Variants in RPL14 observed in about 807,000 individuals in gnomAD.
RPL14 encodes the protein ribosomal protein L14.
A neutral mutation model predicts 25.3 loss-of-function variants in RPL14; 4 were observed. That is an observed-to-expected ratio of 0.16 (90% confidence interval 0.08 to 0.36). RPL14 has a LOEUF of 0.36. Among genes scored for constraint, RPL14 ranks in the 10% least tolerant of loss-of-function variants. The pLI, the probability that RPL14 is intolerant of heterozygous loss-of-function variation, is 1.00. For synonymous variants in RPL14, 75 were observed against 89.8 expected (o/e 0.84, Z 0.93); for missense variants, 212 against 261.9 (o/e 0.81, Z 1.31).
rs1164468305 is a variant in RPL14 at position 40,464,653 on chromosome 3, T to C, written c.*2421T>C. ...ATTTAGATCATTGAACTGTTAAGAC[T>C]GAATCTTATGGGATCAAGACTGGGA... On this transcript the variant is annotated 3_prime_UTR_variant, in exon 6 of 6. Coordinates refer to ENST00000396203, the MANE Select transcript of RPL14 (RefSeq NM_001034996.3). The C allele has an allele frequency of 2.9e-5, 11 of 379,346 alleles. No individual in the cohort carries two copies. The Admixed American group carries it at 3.0e-4, about 10-fold the overall frequency. The allele number at this position is 379,346 out of a possible 1,614,324, so 23.5% of individuals were successfully genotyped here.
At position 40,465,974 on chromosome 3, in the gene RPL14, T is replaced by G. The variant is rs1196836708; in HGVS notation, c.*3742T>G. ...GGGAGGCTGAGGCAGGCGGATCACC[T>G]GAGGTCAGGGGTCCGAGACCAGCTT... On this transcript the variant is annotated 3_prime_UTR_variant, in exon 6 of 6. Transcript: ENST00000396203. The G allele has an allele frequency of 6.6e-6, 1 of 151,544 alleles. No homozygotes were observed. The highest frequency in any genetic ancestry group is 2.0e-4 in the East Asian group (1 of 5,092). The allele number at this position is 151,544 out of a possible 1,614,324, so 9.4% of individuals were successfully genotyped here.
At position 40,465,840 on chromosome 3, in the gene RPL14, G is replaced by A. The variant is rs1471048472; in HGVS notation, c.*3608G>A. 1 of 152,194 alleles carries A rather than the reference G, an allele frequency of 6.6e-6. No individual in the cohort carries two copies. The highest frequency in any genetic ancestry group is 1.5e-5 in the Non-Finnish European group (1 of 68,054). 9.4% of individuals were successfully genotyped at this position (152,194 alleles called of 1,614,324 possible). A position where few individuals can be genotyped will look rare whatever the true frequency, so the allele number is the denominator to read the frequency against. ...TTGGAATCTCTAGGAAAGTAACTGA[G>A]GCATACGATGCCTGAAAAGGAGTAG... On this transcript the variant is annotated 3_prime_UTR_variant, in exon 6 of 6. Transcript: ENST00000396203.
chr3:40,467,100 T>C lies in RPL14; in HGVS notation c.*4868T>C, dbSNP rs1697039111. The C allele has an allele frequency of 6.6e-6, 1 of 152,210 alleles. No homozygotes were observed. Among genetic ancestry groups the C allele is most frequent in the South Asian group, 2.1e-4 (1 of 4,834 alleles). 9.4% of individuals were successfully genotyped at this position (152,210 alleles called of 1,614,324 possible). ...GGAAAACATATACATCTTGCAGACA[T>C]TTTTTAATGTGTTTGTAATATAGGT... On this transcript the variant is annotated 3_prime_UTR_variant, in exon 6 of 6. Transcript: ENST00000396203.
Position 40,458,482 on chromosome 3 carries a change from A to G in RPL14, c.106-160A>G, listed in dbSNP as rs1010890722. ...TGTGTTGAGCAAAAGACATACATATATATAACCCAGATAGGACAATCCTTG... is the reference window on the plus strand; with the variant it reads ...TGTGTTGAGCAAAAGACATACATATGTATAACCCAGATAGGACAATCCTTG... On this transcript the variant is annotated intron_variant, in intron 2 of 5. Transcript: ENST00000396203. 17 of 617,490 alleles carry G rather than the reference A, an allele frequency of 2.8e-5. No individual in the cohort carries two copies. The African/African-American group carries it at 2.8e-4, about 10-fold the overall frequency. 38.3% of individuals were successfully genotyped at this position (617,490 alleles called of 1,614,324 possible).
At chr3:40,459,330 T>C (rs1190444927) in intron 3 of RPL14, among the ~76,000 whole-genome samples, 3 of 152,246 alleles carry the variant, frequency 2.0e-5, no homozygotes, top group Non-Finnish European at 4.4e-5. Context: ...CTAAGTCTTG[T>C]GTTTATTGCT....
At position 40,458,946 on chromosome 3, in the gene RPL14, T is replaced by G. The variant is rs894126520; in HGVS notation, c.200+210T>G. 4.5e-5 allele frequency: 22 copies of G among 491,166 alleles called. No homozygotes were observed. In the Admixed American group the frequency reaches 6.4e-4, roughly 14 times the overall value. 30.4% of individuals were successfully genotyped at this position (491,166 alleles called of 1,614,324 possible). A position where few individuals can be genotyped will look rare whatever the true frequency, so the allele number is the denominator to read the frequency against. On this transcript the variant is annotated intron_variant, in intron 3 of 5. Transcript: ENST00000396203. ...ATCCCAGTACTTTGGGAGGCCACGG[T>G]GGGAGGGTCTCTTGAGCCCAAGTTT...
intron 1 of RPL14, 60 bp downstream of exon 1, chr3:40,457,534 C>T (rs1172065666): frequency 1.5e-6 from 2 of 1,372,704 alleles, no homozygotes; most frequent in South Asian, 1.2e-5. Context: ...TCGCGCCCTT[C>T]CCGGACTCGC....
chr3:40,462,373 C>CTTTTTTTTTTTTTTTTTTTTT lies in RPL14; in HGVS notation c.*142_*162dup. On this transcript the variant is annotated 3_prime_UTR_variant, in exon 6 of 6. Transcript: ENST00000396203. Reference sequence around the variant, plus strand: ...ATAATAAACATTAAATAATCAGTTCCTTTTTTTTTTTTTTTTTTTTTGAGA... The same window carrying CTTTTTTTTTTTTTTTTTTTTT: ...ATAATAAACATTAAATAATCAGTTCCTTTTTTTTTTTTTTTTTTTTTTTTTTTTTTTTTTTTTTTTTTGAGA... 1 of 286,820 alleles carries CTTTTTTTTTTTTTTTTTTTTT rather than the reference C, an allele frequency of 3.5e-6. No homozygotes were observed. The highest frequency in any genetic ancestry group is 9.0e-5 in the East Asian group (1 of 11,114). 17.8% of individuals were successfully genotyped at this position (286,820 alleles called of 1,614,324 possible).
Position 40,457,396 on chromosome 3 carries a change from C to T in RPL14, c.-76C>T, listed in dbSNP as rs777342693. The T allele has an allele frequency of 3.8e-6, 6 of 1,599,974 alleles. No homozygotes were observed. The highest frequency in any genetic ancestry group is 3.3e-5 in the South Asian group (3 of 89,992). On this transcript the variant is annotated 5_prime_UTR_variant, in exon 1 of 6. Coordinates refer to ENST00000396203, the MANE Select transcript of RPL14 (RefSeq NM_001034996.3). The stretch of plus-strand genomic sequence containing the variant: ...TTACTGTTGCGGGCTCCGGGGCCGT[C>T]GACCATGCCGCTCGACCTCCACCTC...
At chr3:40,461,700 T>A (rs1696939129) in intron 5 of RPL14, 39 bp downstream of exon 5, 12 of 1,555,402 alleles carry the variant, frequency 7.7e-6, no homozygotes, top group Non-Finnish European at 1.0e-5. Flanking sequence ...AACTTAGCTT[T>A]AAATAATAAG....
intron 2 of RPL14, 130 bp from the exon 3 acceptor site, chr3:40,458,512 T>C (rs1696879442): frequency 1.5e-6 from 1 of 683,174 alleles, no homozygotes; most frequent in Non-Finnish European, 2.6e-6. Flanking sequence ...TCCTTGTCTT[T>C]TCTGAGCAAT....
chr3:40,458,439 A>G, intron 2 of RPL14: 3 of 584,944 alleles, frequency 5.1e-6, no homozygotes, highest in African/African-American at 1.9e-5. Flanking sequence ...GGAGCATTTA[A>G]TGATGTGGAG....
rs1400938774 is a variant in RPL14, at chr3:40,462,446, G to A, written c.*214G>A. 3 of 453,978 alleles carry A rather than the reference G, an allele frequency of 6.6e-6. No homozygotes were observed. Among genetic ancestry groups the A allele is most frequent in the Admixed American group, 4.7e-5 (1 of 21,064 alleles). The allele number at this position is 453,978 out of a possible 1,614,324, so 28.1% of individuals were successfully genotyped here. On this transcript the variant is annotated 3_prime_UTR_variant, in exon 6 of 6. Coordinates refer to ENST00000396203, the MANE Select transcript of RPL14 (RefSeq NM_001034996.3). ...GGCCGGACTGCAGTGGCGCTATCTC[G>A]GCTCACTGTAAGTTCCACCTCCCGG... is the stretch of plus-strand genomic sequence containing the variant.
At chr3:40,460,529 A>G (rs1696920712) in intron 3 of RPL14, among the ~76,000 whole-genome samples, 1 of 130,788 alleles carries the variant, frequency 7.6e-6, no homozygotes, top group South Asian at 2.6e-4. Context: ...CAAAAAAAGA[A>G]AAAAAAAAAG....
At chr3:40,460,540 A>C (rs942936717) in intron 3 of RPL14, among the ~76,000 whole-genome samples, 3 of 151,522 alleles carry the variant, frequency 2.0e-5, no homozygotes. Flanking sequence ...AAAAAAAAAG[A>C]ATGGTTTTCA....
At chr3:40,461,552 AG>A (rs1696937089) in intron 4 of RPL14, 46 bp downstream of exon 4, 1 of 1,607,896 alleles carries the variant, frequency 6.2e-7, no homozygotes, top group Non-Finnish European at 8.5e-7. Context: ...CTTTTTTTGG[AG>A]GGTTCAAGAT....
rs1192830482 is a variant in RPL14, at chr3:40,457,382, G to A, written c.-90G>A. Reference sequence around the variant, plus strand: ...CAACATGGTGAGTCTTACTGTTGCGGGCTCCGGGGCCGTCGACCATGCCGC... The same window carrying A: ...CAACATGGTGAGTCTTACTGTTGCGAGCTCCGGGGCCGTCGACCATGCCGC... On this transcript the variant is annotated 5_prime_UTR_variant, in exon 1 of 6. Transcript: ENST00000396203. The A allele has an allele frequency of 6.2e-7, 1 of 1,604,482 alleles. No individual in the cohort carries two copies. The highest frequency in any genetic ancestry group is 8.5e-7 in the Non-Finnish European group (1 of 1,175,104).
At position 40,462,392 on chromosome 3, in the gene RPL14, T is replaced by A; in HGVS notation, c.*160T>A. 2 of 711,928 alleles carry A rather than the reference T, an allele frequency of 2.8e-6. No individual in the cohort carries two copies. The highest frequency in any genetic ancestry group is 4.5e-5 in the South Asian group (2 of 44,670). 44.1% of individuals were successfully genotyped at this position (711,928 alleles called of 1,614,324 possible). On this transcript the variant is annotated 3_prime_UTR_variant, in exon 6 of 6. Transcript: ENST00000396203. ...CAGTTCCTTTTTTTTTTTTTTTTTT[T>A]TTGAGATGGAGTCTCGTTCTGTTGC...
At position 40,462,481 on chromosome 3, in the gene RPL14, A is replaced by C. The variant is rs1274416342; in HGVS notation, c.*249A>C. 1 of 340,126 alleles carries C rather than the reference A, an allele frequency of 2.9e-6. No homozygotes were observed. Among genetic ancestry groups the C allele is most frequent in the Non-Finnish European group, 5.1e-6 (1 of 197,166 alleles). The allele number at this position is 340,126 out of a possible 1,614,324, so 21.1% of individuals were successfully genotyped here. Reference sequence around the variant, plus strand: ...AAGTTCCACCTCCCGGGTTCATGCCATTCTCCTGCCTCAGCCTCCTGAGCA... The same window carrying C: ...AAGTTCCACCTCCCGGGTTCATGCCCTTCTCCTGCCTCAGCCTCCTGAGCA... On this transcript the variant is annotated 3_prime_UTR_variant, in exon 6 of 6. Coordinates refer to ENST00000396203, the MANE Select transcript of RPL14 (RefSeq NM_001034996.3).
Sources: gnomAD v4.1 joint callset for allele counts (sites outside exome capture counted in the v4.1 genomes callset) on GRCh38, gnomAD v4.1.1 for gene constraint, MANE v1.5 for transcripts, NCBI Gene and HGNC (gene_info 2026-07-23, HGNC 2026-07-21) for gene names.